The following ENPP6 variants were observed in gnomAD, a reference collection of about 807,000 sequenced individuals.
ENPP6 encodes ectonucleotide pyrophosphatase/phosphodiesterase 6.
Under a neutral mutation model 42.0 loss-of-function variants are expected in ENPP6, and 32 were observed. The ratio of observed to expected loss-of-function variants is 0.76; its 90% CI spans 0.58 to 1.02. The LOEUF (loss-of-function observed/expected upper bound fraction) is 1.02. Ranked by LOEUF, ENPP6 falls within the 50% of genes least tolerant of loss-of-function variation. ENPP6 has a pLI of 0.00. For missense variants in ENPP6, 552 were observed against 566.8 expected (o/e 0.97, Z 0.27); for synonymous variants, 213 against 216.0 (o/e 0.99, Z 0.12).
chr4:184,171,548 T>A (rs1476453939), intron 1 of ENPP6, among the ~76,000 whole-genome samples: 1 of 152,236 alleles, frequency 6.6e-6, no homozygotes, highest in Admixed American at 6.5e-5. Flanking sequence ...TTGGAAAATA[T>A]GATCTGCCAC....
chr4:184,112,924 A>T, intron 5 of ENPP6, 115 bp from the exon 6 acceptor site: 1 of 1,204,406 alleles, frequency 8.3e-7, no homozygotes, highest in Non-Finnish European at 1.1e-6. Context: ...AAATTGCCAA[A>T]TACTTGATAG....
At chr4:184,193,078 A>G (rs926899420) in intron 1 of ENPP6, among the ~76,000 whole-genome samples, 22 of 152,336 alleles carry the variant, frequency 1.4e-4, no homozygotes, top group African/African-American at 3.4e-4. Context: ...TGGTTTGGCA[A>G]TTTCTCAAAA....
At chr4:184,165,248 C>CT (rs1737329772) in intron 1 of ENPP6, among the ~76,000 whole-genome samples, 1 of 152,206 alleles carries the variant, frequency 6.6e-6, no homozygotes, top group Non-Finnish European at 1.5e-5. Context: ...GAACTAAATG[C>CT]TTTACATTTG....
At chr4:184,171,487 TG>T (rs1247294072) in intron 1 of ENPP6, among the ~76,000 whole-genome samples, 2 of 152,228 alleles carry the variant, frequency 1.3e-5, no homozygotes, top group African/African-American at 4.8e-5. Context: ...GGAATGTCAA[TG>T]TCACAATATA....
chr4:184,142,950 A>T (rs1736847276), intron 2 of ENPP6, among the ~76,000 whole-genome samples: 1 of 152,196 alleles, frequency 6.6e-6, no homozygotes, highest in Admixed American at 6.5e-5. Flanking sequence ...CAGCCCCTAC[A>T]GGCCACTTGA....
chr4:184,118,811 G>A (rs769531622), intron 3 of ENPP6, among the ~76,000 whole-genome samples: 1 of 152,094 alleles, frequency 6.6e-6, no homozygotes, highest in Admixed American at 6.5e-5. Context: ...CCTACTACTG[G>A]CCATTGACAG....
At chr4:184,145,196 G>A (rs1016451766) in intron 2 of ENPP6, among the ~76,000 whole-genome samples, 5 of 152,320 alleles carry the variant, frequency 3.3e-5, no homozygotes, top group East Asian at 1.9e-4. Flanking sequence ...CATGTGGAAC[G>A]ACTCGCTCAG....
At chr4:184,178,756 A>C (rs1300804946) in intron 1 of ENPP6, among the ~76,000 whole-genome samples, 1 of 152,232 alleles carries the variant, frequency 6.6e-6, no homozygotes, top group Non-Finnish European at 1.5e-5. Flanking sequence ...CAAACCCAGA[A>C]TTTCATATCT....
intron 1 of ENPP6, among the ~76,000 whole-genome samples, chr4:184,208,327 C>T (rs1285906039): frequency 1.3e-5 from 2 of 152,278 alleles, no homozygotes; most frequent in Middle Eastern, 3.4e-3. Flanking sequence ...ATCTGAGGTA[C>T]TGGGTTCATC....
At chr4:184,128,674 A>G (rs547326825) in intron 2 of ENPP6, among the ~76,000 whole-genome samples, 1 of 152,230 alleles carries the variant, frequency 6.6e-6, no homozygotes, top group South Asian at 2.1e-4. Flanking sequence ...AACTTTCATG[A>G]CAGTTCAAGA....
At chr4:184,116,537 C>T (rs562307944) in intron 5 of ENPP6, among the ~76,000 whole-genome samples, 1 of 152,064 alleles carries the variant, frequency 6.6e-6, no homozygotes, top group South Asian at 2.1e-4. Flanking sequence ...GAGTTGGAGA[C>T]CAGCCTGACC....
intron 1 of ENPP6, among the ~76,000 whole-genome samples, chr4:184,159,904 T>G (rs1347446918): frequency 6.6e-6 from 1 of 152,226 alleles, no homozygotes; most frequent in East Asian, 1.9e-4. Flanking sequence ...CATGCGATAT[T>G]TGGTTTTCCA....
chr4:184,113,949 TTCTTTC>T lies in ENPP6; in HGVS notation c.856-1146_856-1141del, dbSNP rs1261937011. 8.8e-5 allele frequency among the ~76,000 whole-genome samples: 13 copies of T among 147,790 alleles called. No individual in the cohort carries two copies. In the East Asian group the frequency reaches 2.6e-3, roughly 29 times the overall value. ...TTTCTTTCTTTCTTTCTTTCTTTCTTTCTTTCTTTCTTTCTCTCTTTCTTTCTTTCT... is the reference window on the plus strand; with the variant it reads ...TTTCTTTCTTTCTTTCTTTCTTTCTTTTTCTTTCTCTCTTTCTTTCTTTCT... On this transcript the variant is annotated intron_variant, in intron 5 of 7. Coordinates refer to ENST00000296741, the MANE Select transcript of ENPP6 (RefSeq NM_153343.4).
In ENPP6 at chr4:184,191,074, G is replaced by A. The variant is rs900150686; in HGVS notation, c.241+26505C>T. Among the ~76,000 whole-genome samples the A allele has an allele frequency of 1.3e-4, 20 of 152,248 alleles. 1 individual carries two copies. The highest frequency in any genetic ancestry group is 1.2e-3 in the Admixed American group (19 of 15,288). ...GTGCAGGCGTATGCCACGTGCATAT[G>A]CAGCTACAAGATCACTGTCTAAGGG... is the stretch of plus-strand genomic sequence containing the variant. On this transcript the variant is annotated intron_variant, in intron 1 of 7. Transcript: ENST00000296741.
intron 2 of ENPP6, among the ~76,000 whole-genome samples, chr4:184,135,543 A>G (rs1467612569): frequency 6.6e-6 from 1 of 152,238 alleles, no homozygotes; most frequent in African/African-American, 2.4e-5. Context: ...TCTTTTAAAA[A>G]TGCTATTACT....
intron 1 of ENPP6, among the ~76,000 whole-genome samples, chr4:184,198,314 C>G (rs1732837873): frequency 6.6e-6 from 1 of 152,226 alleles, no homozygotes; most frequent in Non-Finnish European, 1.5e-5. Context: ...TGGAGACGGT[C>G]CACACTCCAC....
intron 1 of ENPP6, among the ~76,000 whole-genome samples, chr4:184,163,256 C>T (rs555108413): frequency 1.5e-4 from 23 of 152,246 alleles, no homozygotes; most frequent in Middle Eastern, 3.4e-3. Flanking sequence ...GGACCTCAGG[C>T]GGCCTCCTAG....
At chr4:184,124,530 T>G (rs1736471391) in intron 2 of ENPP6, among the ~76,000 whole-genome samples, 1 of 152,202 alleles carries the variant, frequency 6.6e-6, no homozygotes, top group Non-Finnish European at 1.5e-5. Flanking sequence ...AGACCACAAC[T>G]GTCTTTCCCA....
chr4:184,167,683 G>GGTAT (rs1229843162), intron 1 of ENPP6, among the ~76,000 whole-genome samples: 6 of 152,206 alleles, frequency 3.9e-5, no homozygotes, highest in Admixed American at 1.3e-4. Flanking sequence ...ATGTGACGTA[G>GGTAT]GTATGATGCT....
Sources: allele counts gnomAD v4.1 joint callset (sites outside exome capture counted in the v4.1 genomes callset), GRCh38; gene constraint gnomAD v4.1.1; transcripts MANE v1.5; gene names NCBI Gene and HGNC (gene_info 2026-07-23, HGNC 2026-07-21).